CHRNB3: variants seen among roughly 807,000 people sequenced by gnomAD.
The protein encoded by CHRNB3 is neuronal acetylcholine receptor subunit beta-3.
In CHRNB3, 37 loss-of-function variants were observed where a neutral mutation model predicts 40.6. The observed-to-expected ratio is 0.91, with a 90% confidence interval of 0.70 to 1.20. The LOEUF (loss-of-function observed/expected upper bound fraction) is 1.20, where lower values mean the gene tolerates loss of function less well. Among genes scored for constraint, CHRNB3 ranks in the 50% most tolerant of loss-of-function variants. The pLI, the probability that CHRNB3 is intolerant of heterozygous loss-of-function variation, is 0.00. For missense variants in CHRNB3, 505 were observed against 551.2 expected (o/e 0.92, Z 0.84); for synonymous variants, 207 against 207.1 (o/e 1.00, Z 0.00).
At chr8:42,716,656 A>G (rs1353526479) in intron 3 of CHRNB3, among the ~76,000 whole-genome samples, 2 of 152,108 alleles carry the variant, frequency 1.3e-5, no homozygotes, top group African/African-American at 2.4e-5. Context: ...AAGGGGTGGT[A>G]ACTTCCGGGT....
rs1373593975 is a variant in CHRNB3, at chr8:42,710,402, C to T, written c.217C>T (p.Gln73Ter). 1 of 1,608,804 alleles carries T rather than the reference C, an allele frequency of 6.2e-7. No individual in the cohort carries two copies. Among genetic ancestry groups the T allele is most frequent in the Non-Finnish European group, 8.5e-7 (1 of 1,176,728 alleles). The change falls in exon 3 of 6, where the codon CAG becomes TAG. Residue 73 changes from glutamine (Q) to a stop codon, truncating the protein, a stop_gained. Transcript: ENST00000289957. LOFTEE classifies it high-confidence loss of function. ...TTCATTTTCTTAGGATGAAAAGAAT[C>T]AGCTGATGACAACCAATGTGTGGCT... ...SQLVDVDEKN[Q>*]LMTTNVWLKQ...
At chr8:42,719,105 T>C (rs756915701) in intron 3 of CHRNB3, among the ~76,000 whole-genome samples, 28 of 152,140 alleles carry the variant, frequency 1.8e-4, no homozygotes, top group Non-Finnish European at 2.9e-4. Flanking sequence ...TCTCATCTCT[T>C]ACCCTAAGAA....
At chr8:42,709,504 C>T (rs1430626335) in intron 2 of CHRNB3, among the ~76,000 whole-genome samples, 1 of 152,304 alleles carries the variant, frequency 6.6e-6, no homozygotes, top group East Asian at 1.9e-4. Flanking sequence ...CCATATTCTC[C>T]ACCCTACTAC....
chr8:42,717,403 A>AAAAAAAGAAG (rs71221230), intron 3 of CHRNB3, among the ~76,000 whole-genome samples: 1 of 50,908 alleles, frequency 2.0e-5, no homozygotes, highest in Non-Finnish European at 3.7e-5. Context: ...AAAAAAAAAA[A>AAAAAAAGAAG]AAGCCGACCT....
At chr8:42,709,392 TGA>T (rs1271592971) in intron 2 of CHRNB3, among the ~76,000 whole-genome samples, 1,673 of 152,276 alleles carry the variant, frequency 0.011, 35 homozygotes, top group African/African-American at 0.039. Flanking sequence ...CTTTCTGTCA[TGA>T]TTGTGTTCTT....
intron 3 of CHRNB3, among the ~76,000 whole-genome samples, chr8:42,717,434 G>GTAC (rs946526624): frequency 7.2e-6 from 1 of 138,802 alleles, no homozygotes; most frequent in Admixed American, 7.5e-5. Context: ...GGTCAGGCTA[G>GTAC]TACTAGAGGT....
At chr8:42,708,918 GT>G in intron 2 of CHRNB3, 50 bp downstream of exon 2, 1 of 1,504,344 alleles carries the variant, frequency 6.6e-7, no homozygotes, top group Non-Finnish European at 9.0e-7. Context: ...TCCTTAACCT[GT>G]TTATGAGTCT....
chr8:42,708,465 C>T (rs1815955460), intron 1 of CHRNB3, among the ~76,000 whole-genome samples: 1 of 89,894 alleles, frequency 1.1e-5, no homozygotes, highest in Admixed American at 1.3e-4. Context: ...GACTCTGTCT[C>T]AAAAAAAATA....
intron 3 of CHRNB3, 22 bp from the exon 4 acceptor site, chr8:42,730,572 A>T: frequency 1.4e-6 from 2 of 1,398,630 alleles, no homozygotes; most frequent in Non-Finnish European, 9.9e-7. Flanking sequence ...GAATAAAATC[A>T]CAGTGTACTA....
chr8:42,713,014 A>G (rs1255822266), intron 3 of CHRNB3, among the ~76,000 whole-genome samples: 1 of 151,808 alleles, frequency 6.6e-6, no homozygotes, highest in Admixed American at 6.6e-5. Context: ...GGCACGTGCC[A>G]CCATACCTGG....
At chr8:42,720,913 G>T (rs966699067) in intron 3 of CHRNB3, among the ~76,000 whole-genome samples, 8 of 152,250 alleles carry the variant, frequency 5.3e-5, no homozygotes, top group Non-Finnish European at 7.3e-5. Flanking sequence ...ACTGGGTGTA[G>T]GTAAAGACCT....
Position 42,722,538 on chromosome 8 carries a change from T to C in CHRNB3, c.250-8056T>C, listed in dbSNP as rs1241021194. On this transcript the variant is annotated intron_variant, in intron 3 of 5. Transcript: ENST00000289957. The stretch of plus-strand genomic sequence containing the variant: ...ACACAGTACAGTATGATTTTTTGTA[T>C]AATTCCCCCGACTTTTATTCATGTA... 2.6e-5 allele frequency among the ~76,000 whole-genome samples: 4 copies of C among 152,092 alleles called. No individual in the cohort carries two copies. In the East Asian group the frequency reaches 7.7e-4, roughly 29 times the overall value.
chr8:42,716,124 G>A (rs1431749755), intron 3 of CHRNB3, among the ~76,000 whole-genome samples: 2 of 151,742 alleles, frequency 1.3e-5, no homozygotes, highest in African/African-American at 2.4e-5. Context: ...TAAAGGCGCC[G>A]GCCACCATGC....
In CHRNB3 at chr8:42,729,740, C is replaced by T. The variant is rs113708377; in HGVS notation, c.250-854C>T. ...CCGCATCCTTACTCACCTATCCACACGAGGGGCTGTAGAATAGAAAATTTT... is the reference window on the plus strand; with the variant it reads ...CCGCATCCTTACTCACCTATCCACATGAGGGGCTGTAGAATAGAAAATTTT... On this transcript the variant is annotated intron_variant, in intron 3 of 5. Transcript: ENST00000289957. 7.2e-5 allele frequency among the ~76,000 whole-genome samples: 11 copies of T among 152,232 alleles called. No individual in the cohort carries two copies. In the South Asian group the frequency reaches 1.2e-3, roughly 17 times the overall value.
At chr8:42,723,904 G>A (rs1164795564) in intron 3 of CHRNB3, among the ~76,000 whole-genome samples, 3 of 152,096 alleles carry the variant, frequency 2.0e-5, no homozygotes, top group East Asian at 1.9e-4. Flanking sequence ...TGGCCAAAAC[G>A]GTGAAACCCC....
At chr8:42,713,434 C>A (rs1816051808) in intron 3 of CHRNB3, among the ~76,000 whole-genome samples, 1 of 152,074 alleles carries the variant, frequency 6.6e-6, no homozygotes, top group African/African-American at 2.4e-5. Context: ...CAAAACCAAG[C>A]AGGAGAAATC....
chr8:42,718,096 C>G (rs947743979), intron 3 of CHRNB3, among the ~76,000 whole-genome samples: 2 of 152,002 alleles, frequency 1.3e-5, no homozygotes, highest in Non-Finnish European at 2.9e-5. Flanking sequence ...TCCAAAAGTG[C>G]TAGGATTATA....
chr8:42,732,554 G>C lies in CHRNB3; in HGVS notation c.1242+5G>C. On this transcript the variant is annotated splice_donor_5th_base_variant and intron_variant, in intron 5 of 5. Transcript: ENST00000289957. ...AAAGAACATTTTATCAGCCAGGTGA[G>C]TAAACTGGTATTCCTGATAATGCTG... 5.1e-6 allele frequency: 8 copies of C among 1,576,442 alleles called. No individual in the cohort carries two copies. The highest frequency in any genetic ancestry group is 6.9e-6 in the Non-Finnish European group (8 of 1,165,392).
At position 42,703,435 on chromosome 8, in the gene CHRNB3, A is replaced by AAAAATATATATATATATATAT; in HGVS notation, c.53-5281_53-5280insAAATATATATATATATATATA. Among the ~76,000 whole-genome samples, 15 of 47,396 alleles carry AAAAATATATATATATATATAT rather than the reference A, an allele frequency of 3.2e-4. 1 individual carries two copies. Among genetic ancestry groups the AAAAATATATATATATATATAT allele is most frequent in the Non-Finnish European group, 4.6e-4 (10 of 21,528 alleles). 31.1% of individuals were successfully genotyped at this position (47,396 alleles called of 152,430 possible). A position where few individuals can be genotyped will look rare whatever the true frequency, so the allele number is the denominator to read the frequency against. ...CAAGACTTCGTCTAAAAAAAAAAAA[A>AAAAATATATATATATATATAT]ATATTTATATATATATATATATATA... On this transcript the variant is annotated intron_variant, in intron 1 of 5. Coordinates refer to ENST00000289957, the MANE Select transcript of CHRNB3 (RefSeq NM_000749.5).
Sources: allele counts gnomAD v4.1 joint callset (sites outside exome capture counted in the v4.1 genomes callset), GRCh38; gene constraint gnomAD v4.1.1; transcripts MANE v1.5; gene names NCBI Gene and HGNC (gene_info 2026-07-23, HGNC 2026-07-21).